SYT1: variants seen among roughly 807,000 people sequenced by gnomAD.
SYT1 encodes the protein synaptotagmin 1, also known as synaptotagmin-1.
Under a neutral mutation model 44.8 loss-of-function variants are expected in SYT1, and 8 were observed. That is an observed-to-expected ratio of 0.18 (90% CI 0.10 to 0.32). SYT1 has a LOEUF of 0.32. SYT1 is among the 10% of genes least tolerant of loss of function. SYT1 has a pLI of 1.00. For missense variants in SYT1, 286 were observed against 509.3 expected (o/e 0.56, Z 4.22); for synonymous variants, 154 against 188.8 (o/e 0.82, Z 1.51).
At chr12:79,175,333 G>T (rs1042126946) in intron 3 of SYT1, among the ~76,000 whole-genome samples, 2 of 152,046 alleles carry the variant, frequency 1.3e-5, no homozygotes, top group African/African-American at 2.4e-5. Flanking sequence ...CATCAGTATA[G>T]GGATAATGTA....
At chr12:79,131,766 G>A (rs978417547) in intron 3 of SYT1, among the ~76,000 whole-genome samples, 2 of 152,008 alleles carry the variant, frequency 1.3e-5, no homozygotes, top group Admixed American at 6.6e-5. Context: ...TATTTTGACT[G>A]TTTTTCTATG....
At chr12:79,242,569 T>A (rs888306051) in intron 4 of SYT1, among the ~76,000 whole-genome samples, 7 of 152,210 alleles carry the variant, frequency 4.6e-5, no homozygotes, top group African/African-American at 1.7e-4. Flanking sequence ...TGATATTTTT[T>A]TAAATCATGG....
chr12:79,321,104 T>A (rs1392220005), intron 8 of SYT1, among the ~76,000 whole-genome samples: 1 of 152,192 alleles, frequency 6.6e-6, no homozygotes, highest in Admixed American at 6.5e-5. Context: ...AAATAACTGA[T>A]TAGTTCAATG....
At chr12:79,443,390 A>G (rs1442937550) in intron 9 of SYT1, among the ~76,000 whole-genome samples, 1 of 152,004 alleles carries the variant, frequency 6.6e-6, no homozygotes, top group Non-Finnish European at 1.5e-5. Context: ...TATTATCTCT[A>G]TTCTGCTTTT....
At chr12:79,082,981 C>A (rs1225172861) in intron 3 of SYT1, among the ~76,000 whole-genome samples, 1 of 149,992 alleles carries the variant, frequency 6.7e-6, no homozygotes, top group African/African-American at 2.5e-5. Flanking sequence ...AAATGATTGT[C>A]AAAGATAACT....
chr12:78,878,877 G>T (rs1565698957), intron 1 of SYT1, among the ~76,000 whole-genome samples: 1 of 151,652 alleles, frequency 6.6e-6, no homozygotes, highest in Non-Finnish European at 1.5e-5. Context: ...GACTCTGAGA[G>T]CTCCAGTGCC....
At chr12:78,994,639 G>A (rs533165273) in intron 2 of SYT1, among the ~76,000 whole-genome samples, 10 of 149,836 alleles carry the variant, frequency 6.7e-5, no homozygotes, top group Middle Eastern at 6.9e-3. Flanking sequence ...GAGTTCAAGC[G>A]ATTCTCCTGC....
intron 4 of SYT1, among the ~76,000 whole-genome samples, chr12:79,273,171 C>T (rs1052776093): frequency 3.4e-5 from 5 of 148,512 alleles, no homozygotes; most frequent in Admixed American, 1.4e-4. Flanking sequence ...GGCTGCAGTG[C>T]AGTGGCACAA....
intron 3 of SYT1, among the ~76,000 whole-genome samples, chr12:79,170,456 C>T (rs1379566652): frequency 6.6e-6 from 1 of 151,848 alleles, no homozygotes; most frequent in African/African-American, 2.4e-5. Context: ...TCAGTAATGT[C>T]GAACTTTTTT....
intron 3 of SYT1, among the ~76,000 whole-genome samples, chr12:79,129,599 A>C (rs7954368): frequency 0.99 from 150,054 of 152,330 alleles, 73,917 homozygotes; most frequent in East Asian, 1. Context: ...TTTGCTGTCT[A>C]ATTCACCATA....
chr12:79,057,322 T>C (rs1193586526), intron 3 of SYT1, among the ~76,000 whole-genome samples: 1 of 152,030 alleles, frequency 6.6e-6, no homozygotes, highest in Non-Finnish European at 1.5e-5. Context: ...CCTATGTTCA[T>C]GAATTTGTAC....
At chr12:79,298,059 C>T (rs915995431) in intron 7 of SYT1, among the ~76,000 whole-genome samples, 2 of 152,100 alleles carry the variant, frequency 1.3e-5, no homozygotes, top group African/African-American at 4.8e-5. Context: ...TGTTTAATCA[C>T]GTGCCCCAGG....
At chr12:79,309,649 G>C (rs1880666478) in intron 8 of SYT1, among the ~76,000 whole-genome samples, 1 of 152,214 alleles carries the variant, frequency 6.6e-6, no homozygotes, top group East Asian at 1.9e-4. Context: ...AATTGTAAAT[G>C]TTGAATTCTA....
chr12:79,201,120 T>A (rs1335578416), intron 3 of SYT1, among the ~76,000 whole-genome samples: 1 of 152,062 alleles, frequency 6.6e-6, no homozygotes, highest in Non-Finnish European at 1.5e-5. Flanking sequence ...TATAGTAACG[T>A]TCCTAGGATC....
At chr12:79,320,644 T>A (rs1270423432) in intron 8 of SYT1, among the ~76,000 whole-genome samples, 1 of 148,844 alleles carries the variant, frequency 6.7e-6, no homozygotes, top group African/African-American at 2.5e-5. Flanking sequence ...TTTTTCTTTT[T>A]CCCCTTTTTT....
At chr12:79,220,802 T>C (rs1875113043) in intron 4 of SYT1, among the ~76,000 whole-genome samples, 1 of 152,182 alleles carries the variant, frequency 6.6e-6, no homozygotes, top group Non-Finnish European at 1.5e-5. Context: ...TAACTTGATA[T>C]AGTTTTAATC....
intron 2 of SYT1, among the ~76,000 whole-genome samples, chr12:79,045,085 C>T (rs1284467001): frequency 6.6e-6 from 1 of 152,028 alleles, no homozygotes; most frequent in Admixed American, 6.5e-5. Context: ...TTTGTCTGTG[C>T]CCTGCCCCCA....
chr12:79,139,996 C>G (rs1282818819), intron 3 of SYT1, among the ~76,000 whole-genome samples: 1 of 152,182 alleles, frequency 6.6e-6, no homozygotes, highest in Non-Finnish European at 1.5e-5. Context: ...AACAAGTATC[C>G]TGAAATTAAT....
intron 8 of SYT1, among the ~76,000 whole-genome samples, chr12:79,314,952 C>T (rs1881009820): frequency 6.6e-6 from 1 of 152,140 alleles, no homozygotes; most frequent in African/African-American, 2.4e-5. Context: ...CACAGACAGA[C>T]AGAAAGTAGA....
Sources: allele counts gnomAD v4.1 joint callset (sites outside exome capture counted in the v4.1 genomes callset), GRCh38; gene constraint gnomAD v4.1.1; transcripts MANE v1.5; gene names NCBI Gene and HGNC (gene_info 2026-07-23, HGNC 2026-07-21).